CCSER1: variants seen among roughly 807,000 people sequenced by gnomAD.
The protein encoded by CCSER1 is coiled-coil serine rich protein 1.
A neutral mutation model predicts 82.0 loss-of-function variants in CCSER1; 41 were observed. The ratio of observed to expected loss-of-function variants is 0.50; its 90% CI spans 0.39 to 0.65. The LOEUF (loss-of-function observed/expected upper bound fraction) is 0.65. Among genes scored for constraint, CCSER1 ranks in the 30% least tolerant of loss-of-function variants. The pLI is 0.00. For missense variants in CCSER1, 1,119 were observed against 1,064.2 expected (o/e 1.05, Z -0.72); for synonymous variants, 414 against 383.9 (o/e 1.08, Z -0.92).
chr4:91,569,341 G>A lies in CCSER1; in HGVS notation c.2218-29231G>A, dbSNP rs148472747. Among the ~76,000 whole-genome samples, 353 of 152,242 alleles carry A rather than the reference G, an allele frequency of 2.3e-3. 1 individual carries two copies. Among genetic ancestry groups the A allele is most frequent in the African/African-American group, 8.1e-3 (337 of 41,552 alleles). On this transcript the variant is annotated intron_variant, in intron 10 of 10. Coordinates refer to ENST00000509176, the MANE Select transcript of CCSER1 (RefSeq NM_001145065.2). ...TGCCTGGGGCAATCTCAGTGTTTTT[G>A]TTCCTGCCCCAACTTGGAGGTAGAA... is the stretch of plus-strand genomic sequence containing the variant.
intron 10 of CCSER1, among the ~76,000 whole-genome samples, chr4:91,269,250 GT>G: frequency 6.6e-6 from 1 of 152,136 alleles, no homozygotes; most frequent in Non-Finnish European, 1.5e-5. Flanking sequence ...TTAATTAAGG[GT>G]TAATATAAAT....
intron 9 of CCSER1, among the ~76,000 whole-genome samples, chr4:90,954,993 C>T (rs1221548218): frequency 6.6e-6 from 1 of 152,158 alleles, no homozygotes; most frequent in African/African-American, 2.4e-5. Context: ...GTTTCACCTC[C>T]TCAAGTCTTT....
Position 90,167,370 on chromosome 4 carries a change from A to G in CCSER1, c.-42+39539A>G, listed in dbSNP as rs188059643. On this transcript the variant is annotated intron_variant, in intron 1 of 10. Transcript: ENST00000509176. ...AAGAATATTGTCAATAAAGTTGTACATTTTCATTCTATCCATGGCTAAAGA... is the reference window on the plus strand; with the variant it reads ...AAGAATATTGTCAATAAAGTTGTACGTTTTCATTCTATCCATGGCTAAAGA... Among the ~76,000 whole-genome samples the G allele has an allele frequency of 3.3e-5, 5 of 152,270 alleles. No homozygotes were observed. The South Asian group carries it at 8.3e-4, about 25-fold the overall frequency.
intron 10 of CCSER1, among the ~76,000 whole-genome samples, chr4:91,578,630 G>C (rs1362493878): frequency 6.6e-6 from 1 of 151,948 alleles, no homozygotes; most frequent in Non-Finnish European, 1.5e-5. Flanking sequence ...TCAAGTGAAT[G>C]ATAGAATAGC....
chr4:90,152,984 A>G (rs1162255809), intron 1 of CCSER1, among the ~76,000 whole-genome samples: 1 of 149,546 alleles, frequency 6.7e-6, no homozygotes, highest in African/African-American at 2.5e-5. Flanking sequence ...TGCTGCACCC[A>G]TTAACTCGTC....
intron 10 of CCSER1, among the ~76,000 whole-genome samples, chr4:91,450,508 A>T (rs1432502114): frequency 6.6e-6 from 1 of 152,220 alleles, no homozygotes; most frequent in Admixed American, 6.6e-5. Context: ...TAGGTGTCAC[A>T]GTATAGTAAT....
chr4:90,590,937 A>G (rs1035553612), intron 5 of CCSER1, among the ~76,000 whole-genome samples: 1 of 152,184 alleles, frequency 6.6e-6, no homozygotes, highest in Non-Finnish European at 1.5e-5. Context: ...TCAGCGTGGA[A>G]CTATTTTCCA....
Position 90,551,706 on chromosome 4 carries a change from C to CTCTCTCTATATA in CCSER1, c.1725-76318_1725-76317insCTCTCTATATAT. 3.5e-3 allele frequency among the ~76,000 whole-genome samples: 367 copies of CTCTCTCTATATA among 104,220 alleles called. 2 individuals carry two copies. The highest frequency in any genetic ancestry group is 7.7e-3 in the African/African-American group (168 of 21,930). 68.4% of individuals were successfully genotyped at this position (104,220 alleles called of 152,430 possible). On this transcript the variant is annotated intron_variant, in intron 5 of 10. Coordinates refer to ENST00000509176, the MANE Select transcript of CCSER1 (RefSeq NM_001145065.2). ...TCTCTCTCTCTCTCTCTCTCTCTCT[C>CTCTCTCTATATA]TATATATATATATATATATATGTAA...
chr4:91,393,169 T>A (rs761091074), intron 10 of CCSER1, among the ~76,000 whole-genome samples: 1 of 152,048 alleles, frequency 6.6e-6, no homozygotes, highest in Non-Finnish European at 1.5e-5. Flanking sequence ...CTCTTCTGTC[T>A]CGGTACTGAT....
intron 10 of CCSER1, among the ~76,000 whole-genome samples, chr4:91,567,122 C>T (rs1258484619): frequency 6.6e-6 from 1 of 152,028 alleles, no homozygotes; most frequent in East Asian, 1.9e-4. Flanking sequence ...TTATATCTGC[C>T]TTAATATCAT....
At chr4:91,488,255 T>C (rs572767175) in intron 10 of CCSER1, among the ~76,000 whole-genome samples, 1 of 152,356 alleles carries the variant, frequency 6.6e-6, no homozygotes, top group African/African-American at 2.4e-5. Context: ...CTCTGTTCTT[T>C]TTCATTTTAT....
At chr4:90,899,741 A>G (rs1379448115) in intron 8 of CCSER1, among the ~76,000 whole-genome samples, 1 of 152,024 alleles carries the variant, frequency 6.6e-6, no homozygotes, top group African/African-American at 2.4e-5. Context: ...TTTATGTGAT[A>G]AATCACGATG....
intron 9 of CCSER1, among the ~76,000 whole-genome samples, chr4:91,052,629 A>G (rs1036401107): frequency 3.3e-5 from 5 of 152,126 alleles, no homozygotes; most frequent in Non-Finnish European, 5.9e-5. Flanking sequence ...ATTTAAAGGA[A>G]AGGAACTTTT....
chr4:90,994,267 T>C (rs1436151996), intron 9 of CCSER1, among the ~76,000 whole-genome samples: 1 of 152,056 alleles, frequency 6.6e-6, no homozygotes, highest in Non-Finnish European at 1.5e-5. Context: ...CTACCAAACA[T>C]CATAGCTTAA....
chr4:90,715,904 C>G (rs995610156), intron 6 of CCSER1, among the ~76,000 whole-genome samples: 20 of 151,958 alleles, frequency 1.3e-4, no homozygotes, highest in African/African-American at 4.6e-4. Flanking sequence ...CACTTCAGCT[C>G]TGTTTGTAAT....
At chr4:90,687,748 G>A (rs538132330) in intron 6 of CCSER1, among the ~76,000 whole-genome samples, 7 of 152,176 alleles carry the variant, frequency 4.6e-5, no homozygotes, top group African/African-American at 1.7e-4. Context: ...CCCCAAACGA[G>A]CTAGGTAGAC....
intron 1 of CCSER1, among the ~76,000 whole-genome samples, chr4:90,290,015 G>T (rs1296112317): frequency 6.6e-6 from 1 of 151,536 alleles, no homozygotes. Flanking sequence ...TACACATTAG[G>T]TATACATATT....
At chr4:90,851,415 A>G (rs1340875738) in intron 8 of CCSER1, among the ~76,000 whole-genome samples, 1 of 130,984 alleles carries the variant, frequency 7.6e-6, no homozygotes, top group African/African-American at 2.9e-5. Context: ...CACTTTGCCA[A>G]TCATTGTATT....
At chr4:91,066,374 G>A (rs1438211212) in intron 9 of CCSER1, among the ~76,000 whole-genome samples, 1 of 152,176 alleles carries the variant, frequency 6.6e-6, no homozygotes, top group Non-Finnish European at 1.5e-5. Flanking sequence ...GAAGCACAGA[G>A]CAGTAAACCT....
Sources: gnomAD v4.1 joint callset for allele counts (sites outside exome capture counted in the v4.1 genomes callset) on GRCh38, gnomAD v4.1.1 for gene constraint, MANE v1.5 for transcripts, NCBI Gene and HGNC (gene_info 2026-07-23, HGNC 2026-07-21) for gene names.